The following NRXN1 variants were observed in gnomAD, a reference collection of about 807,000 sequenced individuals.
NRXN1 encodes neurexin-1.
In NRXN1, 39 loss-of-function variants were observed where a neutral mutation model predicts 150.9. The ratio of observed to expected loss-of-function variants is 0.26; its 90% CI spans 0.20 to 0.34. The LOEUF (loss-of-function observed/expected upper bound fraction) is 0.34, where lower values mean the gene tolerates loss of function less well. Ranked by LOEUF, NRXN1 falls within the 10% of genes least tolerant of loss-of-function variation. NRXN1 has a pLI of 1.00. For synonymous variants in NRXN1, 924 were observed against 757.0 expected (o/e 1.22, Z -3.62); for missense variants, 1,815 against 1,949.9 (o/e 0.93, Z 1.30).
chr2:50,423,162 C>A (rs541042793), intron 17 of NRXN1, among the ~76,000 whole-genome samples: 1 of 152,270 alleles, frequency 6.6e-6, no homozygotes, highest in East Asian at 1.9e-4. Context: ...CTTAAGCCTT[C>A]TCTCACCTGG....
chr2:50,374,724 ACAG>A (rs1317156673), intron 17 of NRXN1, among the ~76,000 whole-genome samples: 1 of 152,196 alleles, frequency 6.6e-6, no homozygotes, highest in Non-Finnish European at 1.5e-5. Context: ...GAAATTTTTA[ACAG>A]TTAATATCTA....
intron 17 of NRXN1, among the ~76,000 whole-genome samples, chr2:50,434,043 ATTTTTTTTTTTTTTTT>A (rs748364051): frequency 1.4e-5 from 1 of 72,154 alleles, no homozygotes; most frequent in Non-Finnish European, 2.7e-5. Context: ...TATCTAAGCC[ATTTTTTTTTTTTTTTT>A]TTTTTTTTTT....
chr2:50,922,557 T>C (rs1686202240), intron 4 of NRXN1, 101 bp downstream of exon 4: 3 of 1,041,278 alleles, frequency 2.9e-6, no homozygotes, highest in South Asian at 1.3e-5. Flanking sequence ...TGCAGCCATA[T>C]AATTTGCAAG....
intron 18 of NRXN1, among the ~76,000 whole-genome samples, chr2:50,172,286 G>A (rs999456899): frequency 6.6e-6 from 1 of 152,004 alleles, no homozygotes; most frequent in Non-Finnish European, 1.5e-5. Context: ...TTTTAGCACA[G>A]ATTTTAATTA....
intron 17 of NRXN1, among the ~76,000 whole-genome samples, chr2:50,410,358 A>G (rs141754112): frequency 6.6e-6 from 1 of 152,328 alleles, no homozygotes; most frequent in East Asian, 1.9e-4. Context: ...TAAAACACAC[A>G]TGTGATACTT....
chr2:50,799,761 G>C (rs1393378104), intron 5 of NRXN1, among the ~76,000 whole-genome samples: 1 of 152,022 alleles, frequency 6.6e-6, no homozygotes, highest in Non-Finnish European at 1.5e-5. Context: ...CAGTAAGTTA[G>C]GTGTATTAAA....
At chr2:50,317,484 A>T (rs556320026) in intron 17 of NRXN1, among the ~76,000 whole-genome samples, 4 of 151,892 alleles carry the variant, frequency 2.6e-5, no homozygotes, top group Non-Finnish European at 5.9e-5. Context: ...AATATAAGAG[A>T]CAACAGCTGT....
At chr2:50,611,677 T>C (rs976419364) in intron 8 of NRXN1, among the ~76,000 whole-genome samples, 3 of 152,320 alleles carry the variant, frequency 2.0e-5, no homozygotes, top group Middle Eastern at 3.4e-3. Flanking sequence ...TACTTCCAAA[T>C]GTGTTTTCTG....
chr2:49,959,018 C>G (rs1042954694), intron 21 of NRXN1, among the ~76,000 whole-genome samples: 3 of 152,116 alleles, frequency 2.0e-5, no homozygotes, highest in Admixed American at 6.6e-5. Flanking sequence ...TACACAAGAC[C>G]TGTTAGTTTC....
intron 18 of NRXN1, among the ~76,000 whole-genome samples, chr2:50,222,897 C>T (rs1415142007): frequency 6.6e-6 from 1 of 151,750 alleles, no homozygotes; most frequent in Non-Finnish European, 1.5e-5. Flanking sequence ...GTTTTAGACA[C>T]CACAGTAAAA....
rs571089806 is a variant in NRXN1, at chr2:50,839,543, G to A, written c.832+82326C>T. Among the ~76,000 whole-genome samples, 11 of 152,102 alleles carry A rather than the reference G, an allele frequency of 7.2e-5. No individual in the cohort carries two copies. The South Asian group carries it at 2.1e-3, about 29-fold the overall frequency. On this transcript the variant is annotated intron_variant, in intron 5 of 22. Transcript: ENST00000401669. ...ATTTATTTAACTAATTTTTGAAACC[G>A]ATGAGGCCAGAGAAAGATCTTCATG...
intron 17 of NRXN1, among the ~76,000 whole-genome samples, chr2:50,331,129 C>T (rs979270720): frequency 6.6e-6 from 1 of 151,868 alleles, no homozygotes; most frequent in Non-Finnish European, 1.5e-5. Flanking sequence ...AAACCACAAA[C>T]ATAAAAGGAG....
At chr2:50,905,740 T>C (rs192002222) in intron 5 of NRXN1, among the ~76,000 whole-genome samples, 4 of 152,278 alleles carry the variant, frequency 2.6e-5, no homozygotes, top group Non-Finnish European at 5.9e-5. Flanking sequence ...TATATGGTCA[T>C]TATATTTTAT....
chr2:50,143,778 TC>T (rs2152763035), intron 18 of NRXN1, among the ~76,000 whole-genome samples: 2 of 151,982 alleles, frequency 1.3e-5, no homozygotes, highest in Middle Eastern at 3.4e-3. Context: ...ATTAGGTTGA[TC>T]TACTCCCCAT....
intron 18 of NRXN1, among the ~76,000 whole-genome samples, chr2:50,227,068 A>AT (rs1004910238): frequency 6.6e-6 from 1 of 151,712 alleles, no homozygotes; most frequent in Non-Finnish European, 1.5e-5. Flanking sequence ...ATGGATGAAG[A>AT]TTTGCCATCA....
intron 5 of NRXN1, among the ~76,000 whole-genome samples, chr2:50,867,949 GTTTATAC>G (rs2106076945): frequency 1.3e-5 from 2 of 151,482 alleles, no homozygotes; most frequent in Non-Finnish European, 3.0e-5. Flanking sequence ...CTTTACTAGA[GTTTATAC>G]TTTATAATGA....
intron 18 of NRXN1, among the ~76,000 whole-genome samples, chr2:50,174,031 C>G (rs2060193880): frequency 6.6e-6 from 1 of 151,904 alleles, no homozygotes; most frequent in African/African-American, 2.4e-5. Flanking sequence ...AATCCCCTTC[C>G]CCACAAAAAT....
At chr2:50,454,664 TCACACACACACACACACA>T (rs3052512) in intron 17 of NRXN1, among the ~76,000 whole-genome samples, 1 of 140,732 alleles carries the variant, frequency 7.1e-6, no homozygotes, top group Non-Finnish European at 1.6e-5. Flanking sequence ...TGGGCAAAGA[TCACACACACACACACACA>T]CACACACACA....
chr2:50,316,278 A>C (rs536721508), intron 17 of NRXN1, among the ~76,000 whole-genome samples: 9 of 152,128 alleles, frequency 5.9e-5, no homozygotes, highest in Non-Finnish European at 1.0e-4. Flanking sequence ...TCCAACTGAA[A>C]CCTTATGTCT....
Sources: allele counts gnomAD v4.1 joint callset (sites outside exome capture counted in the v4.1 genomes callset), GRCh38; gene constraint gnomAD v4.1.1; transcripts MANE v1.5; gene names NCBI Gene and HGNC (gene_info 2026-07-23, HGNC 2026-07-21).